NEO1: variants seen among roughly 807,000 people sequenced by gnomAD.
The protein encoded by NEO1 is neogenin.
In NEO1, 63 loss-of-function variants were observed where a neutral mutation model predicts 159.7. That is an observed-to-expected ratio of 0.39 (90% CI 0.32 to 0.49). NEO1 has a LOEUF of 0.49. NEO1 is among the 20% of genes least tolerant of loss of function. The pLI, the probability that NEO1 is intolerant of heterozygous loss-of-function variation, is 0.85. For synonymous variants in NEO1, 633 were observed against 662.0 expected, an observed-to-expected ratio of 0.96 and a Z score of 0.67; for missense variants, 1,615 against 1,831.0, an observed-to-expected ratio of 0.88 and a Z score of 2.15.
chr15:73,222,818 G>T (rs543316595), intron 7 of NEO1, among the ~76,000 whole-genome samples: 8 of 151,922 alleles, frequency 5.3e-5, no homozygotes, highest in Non-Finnish European at 1.2e-4. Context: ...TGCTTCCACC[G>T]GGTTTGGGTT....
chr15:73,153,286 G>A (rs1257115086), intron 5 of NEO1, among the ~76,000 whole-genome samples: 1 of 152,312 alleles, frequency 6.6e-6, no homozygotes, highest in South Asian at 2.1e-4. Flanking sequence ...GAAATAGTGA[G>A]TAACCAGATA....
rs570770337 is a variant in NEO1, at chr15:73,257,415, T to C, written c.2093-1351T>C. Among the ~76,000 whole-genome samples, 130 of 152,280 alleles carry C rather than the reference T, an allele frequency of 8.5e-4. 1 individual carries two copies. The highest frequency in any genetic ancestry group is 3.0e-3 in the African/African-American group (126 of 41,554). On this transcript the variant is annotated intron_variant, in intron 13 of 28. Transcript: ENST00000261908. ...TTACATTTTAAAATCATATCTGGATTTATTCATTTAATAGATTTCATTGAA... is the reference window on the plus strand; with the variant it reads ...TTACATTTTAAAATCATATCTGGATCTATTCATTTAATAGATTTCATTGAA...
At chr15:73,275,990 T>C (rs1220233610) in intron 21 of NEO1, among the ~76,000 whole-genome samples, 1 of 152,210 alleles carries the variant, frequency 6.6e-6, no homozygotes, top group Non-Finnish European at 1.5e-5. Flanking sequence ...ACTTTGGAAA[T>C]GTGTTTGCAT....
Position 73,303,497 on chromosome 15 carries a change from T to TG in NEO1, c.*806dup, listed in dbSNP as rs2042693885. The TG allele has an allele frequency of 8.9e-6, 1 of 111,784 alleles. No individual in the cohort carries two copies. The highest frequency in any genetic ancestry group is 1.9e-5 in the Non-Finnish European group (1 of 53,998). 6.9% of individuals were successfully genotyped at this position (111,784 alleles called of 1,614,324 possible). A position where few individuals can be genotyped will look rare whatever the true frequency, so the allele number is the denominator to read the frequency against. ...TTCAGTATTGGGGCGGGTGGGGGGC[T>TG]GGGGGTTGGTAATAGGAAATGGAGG... On this transcript the variant is annotated 3_prime_UTR_variant, in exon 29 of 29. Coordinates refer to ENST00000261908, the MANE Select transcript of NEO1 (RefSeq NM_002499.4).
intron 22 of NEO1, among the ~76,000 whole-genome samples, chr15:73,279,441 C>T (rs576074731): frequency 2.7e-5 from 4 of 150,484 alleles, no homozygotes; most frequent in South Asian, 4.2e-4. Flanking sequence ...CTCCACCTCC[C>T]GGGTTCAAGG....
At chr15:73,276,421 C>T (rs923962720) in intron 21 of NEO1, among the ~76,000 whole-genome samples, 1 of 152,196 alleles carries the variant, frequency 6.6e-6, no homozygotes, top group African/African-American at 2.4e-5. Context: ...GGTGCTAAGC[C>T]ATCTCCACCA....
Position 73,178,333 on chromosome 15 carries a change from T to G in NEO1, c.1197T>G (p.Gly399=). 3 of 1,613,464 alleles carry G rather than the reference T, an allele frequency of 1.9e-6. No homozygotes were observed. Among genetic ancestry groups the G allele is most frequent in the Non-Finnish European group, 2.5e-6 (3 of 1,179,608 alleles). ...AGGAACATAATCTTCAAGTTTTGGG[T>G]CTGGTGAAATCAGATGAAGGGTTCT... ...IVKEHNLQVL[G]LVKSDEGFYQ... is the part of the protein sequence containing the mutation. The change falls in exon 7 of 29, where the codon GGT becomes GGG. Residue 399 remains glycine, a synonymous_variant. Coordinates refer to ENST00000261908, the MANE Select transcript of NEO1 (RefSeq NM_002499.4).
chr15:73,184,714 G>A (rs1392352275), intron 7 of NEO1, among the ~76,000 whole-genome samples: 2 of 152,206 alleles, frequency 1.3e-5, no homozygotes, highest in Admixed American at 6.5e-5. Flanking sequence ...GATCACTTGA[G>A]GGCAGGAGTT....
intron 5 of NEO1, among the ~76,000 whole-genome samples, chr15:73,141,261 TAAG>T (rs921534996): frequency 6.6e-6 from 1 of 152,240 alleles, no homozygotes; most frequent in African/African-American, 2.4e-5. Flanking sequence ...GTTATTTTTT[TAAG>T]AAGTTATAGC....
Position 73,236,353 on chromosome 15 carries a change from C to T in NEO1, c.1298C>T (p.Ala433Val), listed in dbSNP as rs778233166. Residue 433 changes from alanine to valine, a missense_variant, in exon 8 of 29, where the codon GCC (alanine) becomes GTC (valine). Physicochemically the swap from Ala to Val is moderately conservative, Grantham distance 64. Around this residue, in one of 3 missense-constraint regions of NEO1, gnomAD observed 1,018 missense variants for 1,115.4 expected, o/e 0.91. Coordinates refer to ENST00000261908, the MANE Select transcript of NEO1 (RefSeq NM_002499.4). ...GCCACTACTGACCATCTAGCACCAG[C>T]CACAACGGGACCACTGCCTTCAGCT... ...AQLIILEHAP[A>V]TTGPLPSAPR... 1.2e-6 allele frequency: 2 copies of T among 1,614,196 alleles called. No homozygotes were observed. The highest frequency in any genetic ancestry group is 1.7e-6 in the Non-Finnish European group (2 of 1,180,028).
chr15:73,280,380 A>C (rs1412154311), intron 22 of NEO1, among the ~76,000 whole-genome samples: 1 of 152,080 alleles, frequency 6.6e-6, no homozygotes, highest in African/African-American at 2.4e-5. Context: ...TTGGCAGCTC[A>C]CTCTTGCTGT....
rs140977252 is a variant in NEO1, at chr15:73,118,252, A to G, written c.448+1395A>G. Among the ~76,000 whole-genome samples the G allele has an allele frequency of 3.3e-3, 506 of 151,484 alleles. 2 individuals carry two copies. The highest frequency in any genetic ancestry group is 5.2e-3 in the Non-Finnish European group (354 of 67,842). ...CTTATAAGCATCTGCCTGCTACCTT[A>G]TTCTTCCCCTCCTCCAGTCCAGTCT... is the stretch of plus-strand genomic sequence containing the variant. On this transcript the variant is annotated intron_variant, in intron 2 of 28. Transcript: ENST00000261908.
intron 4 of NEO1, among the ~76,000 whole-genome samples, chr15:73,130,314 C>G (rs952344091): frequency 7.4e-5 from 11 of 149,524 alleles, no homozygotes; most frequent in Admixed American, 1.3e-4. Flanking sequence ...TCCCGCCCCC[C>G]CCGCCGCATA....
intron 5 of NEO1, among the ~76,000 whole-genome samples, chr15:73,159,745 T>C (rs949243709): frequency 2.6e-5 from 4 of 152,340 alleles, no homozygotes; most frequent in South Asian, 2.1e-4. Context: ...AATATCCTTA[T>C]GTCTTTATGC....
chr15:73,287,468 C>T (rs973043438), intron 23 of NEO1, among the ~76,000 whole-genome samples: 2 of 152,142 alleles, frequency 1.3e-5, no homozygotes, highest in African/African-American at 4.8e-5. Flanking sequence ...ACTGGGTACC[C>T]AGTATGTCCT....
At chr15:73,114,461 T>A (rs1596026564) in intron 1 of NEO1, among the ~76,000 whole-genome samples, 1 of 152,328 alleles carries the variant, frequency 6.6e-6, no homozygotes, top group East Asian at 1.9e-4. Context: ...TTTAAGTAAC[T>A]TTTTGTAAAA....
intron 7 of NEO1, among the ~76,000 whole-genome samples, chr15:73,232,503 CT>C (rs1036490541): frequency 1.3e-5 from 2 of 152,188 alleles, no homozygotes; most frequent in Non-Finnish European, 2.9e-5. Flanking sequence ...TTTGCCCAGC[CT>C]TTGCTTTCTA....
chr15:73,079,078 C>G (rs1263980512), intron 1 of NEO1, among the ~76,000 whole-genome samples: 1 of 152,116 alleles, frequency 6.6e-6, no homozygotes, highest in Non-Finnish European at 1.5e-5. Context: ...GAAAGAAGCT[C>G]TTTTTTAATT....
intron 5 of NEO1, among the ~76,000 whole-genome samples, chr15:73,141,559 A>G (rs2032390005): frequency 6.6e-6 from 1 of 152,212 alleles, no homozygotes; most frequent in Admixed American, 6.5e-5. Flanking sequence ...AAATTTTTCC[A>G]TTTGTATTTT....
Sources: gnomAD v4.1 joint callset for allele counts (sites outside exome capture counted in the v4.1 genomes callset) on GRCh38, gnomAD v4.1.1 for gene constraint, gnomAD v4.1.1 regional missense constraint, MANE v1.5 for transcripts, NCBI Gene and HGNC (gene_info 2026-07-23, HGNC 2026-07-21) for gene names.